KIF21A: variants seen among roughly 807,000 people sequenced by gnomAD.
KIF21A encodes the protein kinesin family member 21A, also known as kinesin-like protein KIF21A.
KIF21A carries 114 observed loss-of-function variants against 202.9 expected under a neutral mutation model. That is an observed-to-expected ratio of 0.56 (90% confidence interval 0.48 to 0.66). KIF21A has a LOEUF of 0.66. KIF21A is among the 30% of genes least tolerant of loss of function. The pLI is 0.00. For synonymous variants in KIF21A, 667 were observed against 670.8 expected (o/e 0.99, Z 0.09); for missense variants, 1,677 against 1,994.9 (o/e 0.84, Z 3.04).
At position 39,319,944 on chromosome 12, in the gene KIF21A, A is replaced by G. The variant is rs1325870978; in HGVS notation, c.3741T>C (p.Tyr1247=). 6.2e-7 allele frequency: 1 copy of G among 1,608,904 alleles called. No homozygotes were observed. The highest frequency in any genetic ancestry group is 8.5e-7 in the Non-Finnish European group (1 of 1,176,608). Residue 1247 remains tyrosine, a synonymous_variant, in exon 28 of 38, where the codon TAT becomes TAC. Transcript: ENST00000361418. ...TGGCCTTTGATTTTTCTGCTTTCTCATATGCCTTTCTCCTTGTTACAGGAG... is the reference window on the plus strand; with the variant it reads ...TGGCCTTTGATTTTTCTGCTTTCTCGTATGCCTTTCTCCTTGTTACAGGAG... The part of the protein sequence containing the change: ...EPSPVTRRKA[Y]EKAEKSKAKE...
chr12:39,309,212 T>C (rs1200350275), intron 33 of KIF21A, among the ~76,000 whole-genome samples: 1 of 152,166 alleles, frequency 6.6e-6, no homozygotes, highest in Non-Finnish European at 1.5e-5. Context: ...ACCATGGTGA[T>C]TTCAGCCATT....
intron 6 of KIF21A, among the ~76,000 whole-genome samples, chr12:39,364,568 T>C (rs930725063): frequency 3.9e-5 from 6 of 152,162 alleles, no homozygotes; most frequent in African/African-American, 7.2e-5. Context: ...TGGTTGGTAA[T>C]TTCCCCATAG....
chr12:39,347,752 C>T (rs111431380), intron 11 of KIF21A, among the ~76,000 whole-genome samples: 123 of 152,082 alleles, frequency 8.1e-4, no homozygotes, highest in African/African-American at 2.8e-3. Context: ...AAGCCACTGC[C>T]TAAGAAATCT....
Position 39,319,969 on chromosome 12 carries a change from G to A in KIF21A, c.3716C>T (p.Ser1239Phe), listed in dbSNP as rs927536292. 3.7e-6 allele frequency: 6 copies of A among 1,609,028 alleles called. No homozygotes were observed. Among genetic ancestry groups the A allele is most frequent in the Non-Finnish European group, 5.1e-6 (6 of 1,176,922 alleles). ...ATATGCCTTTCTCCTTGTTACAGGA[G>A]AAGGCTCTGGAATTTTTTTTTCTGA... Reference protein sequence around the residue: ...SLSEKKIPEPSPVTRRKAYEK... With the variant: ...SLSEKKIPEPFPVTRRKAYEK... Residue 1239 changes from serine (S) to phenylalanine (F), a missense_variant, in exon 28 of 38, where the codon TCT becomes TTT. By Grantham distance (155) the Ser-to-Phe change is radical. Around this residue, in one of 3 missense-constraint regions of KIF21A, gnomAD observed 705 missense variants for 791.9 expected, o/e 0.89. Transcript: ENST00000361418.
chr12:39,425,152 C>A (rs1809726736), intron 1 of KIF21A, among the ~76,000 whole-genome samples: 1 of 152,168 alleles, frequency 6.6e-6, no homozygotes, highest in South Asian at 2.1e-4. Flanking sequence ...CAGGTCTCAA[C>A]TCAAATGACT....
rs1197798285 is a variant in KIF21A, at chr12:39,423,483, A to G, written c.44+19444T>C. Among the ~76,000 whole-genome samples, 4 of 151,896 alleles carry G rather than the reference A, an allele frequency of 2.6e-5. 1 individual carries two copies. Among genetic ancestry groups the G allele is most frequent in the Admixed American group, 2.6e-4 (4 of 15,258 alleles). ...GCATTCTTGGCAACTTCAAATCCCCATAGGTGCTACATTCAACAACACAAT... is the reference window on the plus strand; with the variant it reads ...GCATTCTTGGCAACTTCAAATCCCCGTAGGTGCTACATTCAACAACACAAT... On this transcript the variant is annotated intron_variant, in intron 1 of 37. Transcript: ENST00000361418.
intron 1 of KIF21A, among the ~76,000 whole-genome samples, chr12:39,409,504 T>C (rs930629379): frequency 4.8e-5 from 7 of 146,226 alleles, no homozygotes; most frequent in African/African-American, 1.5e-4. Flanking sequence ...GCTTGAGTGA[T>C]GAAGTGAGAC....
chr12:39,382,273 A>G (rs1950661912), intron 1 of KIF21A, among the ~76,000 whole-genome samples: 1 of 152,228 alleles, frequency 6.6e-6, no homozygotes, highest in African/African-American at 2.4e-5. Context: ...GTAAGATTTT[A>G]TATTAAGAAA....
At chr12:39,333,554 G>C (rs1946689271) in intron 17 of KIF21A, among the ~76,000 whole-genome samples, 1 of 152,074 alleles carries the variant, frequency 6.6e-6, no homozygotes, top group South Asian at 2.1e-4. Context: ...CTATGTGCAA[G>C]TACTTTTCTA....
chr12:39,433,744 T>C (rs1241267287), intron 1 of KIF21A, among the ~76,000 whole-genome samples: 1 of 152,208 alleles, frequency 6.6e-6, no homozygotes, highest in Non-Finnish European at 1.5e-5. Flanking sequence ...TAGTGAATTC[T>C]AATAAACTAT....
At chr12:39,374,237 T>C (rs185026208) in intron 1 of KIF21A, among the ~76,000 whole-genome samples, 23 of 152,198 alleles carry the variant, frequency 1.5e-4, no homozygotes, top group African/African-American at 5.3e-4. Context: ...CTTGAGGTTC[T>C]ATATAGATGA....
intron 25 of KIF21A, 116 bp from the exon 26 acceptor site, chr12:39,326,009 G>C: frequency 1.3e-6 from 1 of 752,848 alleles, no homozygotes; most frequent in South Asian, 1.6e-5. Flanking sequence ...AATACAGAAA[G>C]ACAATATTTA....
At chr12:39,425,067 TTC>T (rs1954638860) in intron 1 of KIF21A, among the ~76,000 whole-genome samples, 1 of 152,194 alleles carries the variant, frequency 6.6e-6, no homozygotes, top group South Asian at 2.1e-4. Context: ...GCCAGTTTAT[TTC>T]TTAGCCCTTT....
intron 1 of KIF21A, among the ~76,000 whole-genome samples, chr12:39,376,508 A>G (rs948621290): frequency 2.6e-5 from 4 of 152,172 alleles, no homozygotes; most frequent in African/African-American, 9.7e-5. Context: ...TTAAATTGTT[A>G]TGGTACAATT....
intron 1 of KIF21A, among the ~76,000 whole-genome samples, chr12:39,391,307 AT>A (rs5797622): frequency 0.068 from 10,325 of 150,990 alleles, 517 homozygotes; most frequent in South Asian, 0.28. Context: ...AATAAAAAAA[AT>A]TTTTTTTTTC....
Position 39,333,025 on chromosome 12 carries a change from G to A in KIF21A, c.2570C>T (p.Ala857Val). Residue 857 changes from alanine to valine, a missense_variant, in exon 19 of 38, where the codon GCA (alanine) becomes GTA (valine). Physicochemically the swap from Ala to Val is moderately conservative, Grantham distance 64. Coordinates refer to ENST00000361418, the MANE Select transcript of KIF21A (RefSeq NM_001173464.2). ...KVTRKLSSSDAPAQDTGSSAA... is the reference protein window; with the variant it reads ...KVTRKLSSSDVPAQDTGSSAA... ...ACTGGAACCTGTGTCCTGAGCAGGT[G>A]CATCAGATGAACTCAGCTTCCGAGT... 1 of 1,613,956 alleles carries A rather than the reference G, an allele frequency of 6.2e-7. No individual in the cohort carries two copies. The highest frequency in any genetic ancestry group is 2.2e-5 in the East Asian group (1 of 44,874).
At chr12:39,436,395 C>T (rs1258372486) in intron 1 of KIF21A, among the ~76,000 whole-genome samples, 6 of 135,362 alleles carry the variant, frequency 4.4e-5, no homozygotes, top group Admixed American at 7.7e-5. Flanking sequence ...AAATCTATCT[C>T]GTCAATAATT....
chr12:39,343,462 C>A (rs1478537604), intron 12 of KIF21A, among the ~76,000 whole-genome samples: 2 of 151,842 alleles, frequency 1.3e-5, no homozygotes, highest in African/African-American at 2.4e-5. Context: ...ACAAAAAAAA[C>A]TTTACAACTT....
chr12:39,304,502 T>G (rs1171070733), intron 35 of KIF21A, among the ~76,000 whole-genome samples: 2 of 152,234 alleles, frequency 1.3e-5, no homozygotes, highest in African/African-American at 4.8e-5. Context: ...TTACCTTATC[T>G]GTTAATTTCA....
Sources: allele counts gnomAD v4.1 joint callset (sites outside exome capture counted in the v4.1 genomes callset), GRCh38; gene constraint gnomAD v4.1.1; regional missense constraint gnomAD v4.1.1; transcripts MANE v1.5; gene names NCBI Gene and HGNC (gene_info 2026-07-23, HGNC 2026-07-21).